RGS6: variants seen among roughly 807,000 people sequenced by gnomAD.
RGS6 encodes the protein regulator of G-protein signaling 6.
Under a neutral mutation model 78.5 loss-of-function variants are expected in RGS6, and 30 were observed. The observed-to-expected ratio is 0.38, with a 90% CI of 0.29 to 0.52. The LOEUF (loss-of-function observed/expected upper bound fraction) is 0.52. Among genes scored for constraint, RGS6 ranks in the 20% least tolerant of loss-of-function variants. The pLI, the probability that RGS6 is intolerant of heterozygous loss-of-function variation, is 0.85. For missense variants in RGS6, 495 were observed against 609.7 expected, an observed-to-expected ratio of 0.81 and a Z score of 1.98; for synonymous variants, 206 against 206.0, an observed-to-expected ratio of 1.00 and a Z score of 0.00.
the RGS6 span, among the ~76,000 whole-genome samples, chr14:72,624,828 A>G: frequency 6.6e-6 from 1 of 152,222 alleles, no homozygotes; most frequent in Non-Finnish European, 1.5e-5. Flanking sequence ...ATCTTTTCTC[A>G]TGATAAGATC....
chr14:71,974,010 A>C (rs1216668586), intron 2 of RGS6, among the ~76,000 whole-genome samples: 1 of 152,172 alleles, frequency 6.6e-6, no homozygotes, highest in Non-Finnish European at 1.5e-5. Context: ...TAATTTGAAA[A>C]GCCTTTGGTG....
intron 2 of RGS6, among the ~76,000 whole-genome samples, chr14:72,100,462 T>A (rs1393602723): frequency 2.0e-5 from 3 of 152,090 alleles, no homozygotes; most frequent in African/African-American, 7.2e-5. Context: ...ACGACTGCAC[T>A]CCAGCCTGGG....
chr14:72,437,881 G>T (rs1250962471), intron 3 of RGS6, among the ~76,000 whole-genome samples: 1 of 152,180 alleles, frequency 6.6e-6, no homozygotes, highest in Non-Finnish European at 1.5e-5. Context: ...ATACTTCAGG[G>T]AGTCTGCTGT....
At chr14:72,349,357 C>G (rs1372282190) in intron 2 of RGS6, among the ~76,000 whole-genome samples, 1 of 152,032 alleles carries the variant, frequency 6.6e-6, no homozygotes, top group African/African-American at 2.4e-5. Flanking sequence ...AAGGGAGTAA[C>G]TACAGCCATG....
chr14:72,550,283 ACT>A (rs1302331517), intron 17 of RGS6, among the ~76,000 whole-genome samples: 3 of 151,732 alleles, frequency 2.0e-5, no homozygotes, highest in African/African-American at 7.3e-5. Flanking sequence ...CTCCATTAAA[ACT>A]CTATCAGGTG....
intron 2 of RGS6, among the ~76,000 whole-genome samples, chr14:72,199,819 T>C (rs1335867320): frequency 6.6e-6 from 1 of 152,216 alleles, no homozygotes; most frequent in African/African-American, 2.4e-5. Flanking sequence ...CAGCAAACTA[T>C]GGCCCATGGA....
At chr14:72,629,597 C>T in the RGS6 span, 4 of 1,522,858 alleles carry the variant, frequency 2.6e-6, no homozygotes, top group South Asian at 1.2e-5. Context: ...GGATTTCTCC[C>T]TCCCACAGGG....
intron 2 of RGS6, among the ~76,000 whole-genome samples, chr14:72,008,532 C>T (rs1040320202): frequency 9.9e-5 from 15 of 152,134 alleles, no homozygotes; most frequent in African/African-American, 3.4e-4. Flanking sequence ...CTAGGGTTGG[C>T]CTGTGTGACC....
At chr14:72,443,603 A>G (rs1484999953) in intron 3 of RGS6, among the ~76,000 whole-genome samples, 1 of 152,220 alleles carries the variant, frequency 6.6e-6, no homozygotes, top group Non-Finnish European at 1.5e-5. Flanking sequence ...ATTATTTTCA[A>G]TATAAAATGT....
At chr14:72,385,118 A>G (rs2087531952) in intron 3 of RGS6, among the ~76,000 whole-genome samples, 2 of 152,140 alleles carry the variant, frequency 1.3e-5, no homozygotes, top group South Asian at 4.1e-4. Context: ...TCTGCTTGAG[A>G]ACACACCTTG....
chr14:72,305,073 T>C (rs952868880), intron 2 of RGS6, among the ~76,000 whole-genome samples: 1 of 152,120 alleles, frequency 6.6e-6, no homozygotes, highest in Non-Finnish European at 1.5e-5. Flanking sequence ...AGTTTACAGT[T>C]TTACAAGAAG....
At chr14:71,994,470 A>C (rs944399232) in intron 2 of RGS6, among the ~76,000 whole-genome samples, 5 of 151,952 alleles carry the variant, frequency 3.3e-5, no homozygotes, top group African/African-American at 9.7e-5. Context: ...GTTGTTAGGG[A>C]TTCTGACTCT....
At chr14:72,125,337 G>A (rs1016707418) in intron 2 of RGS6, among the ~76,000 whole-genome samples, 2 of 152,182 alleles carry the variant, frequency 1.3e-5, no homozygotes, top group African/African-American at 4.8e-5. Flanking sequence ...TGGGTTTTCA[G>A]GATTGCAAGA....
chr14:72,373,443 C>T (rs1468933396), intron 3 of RGS6, among the ~76,000 whole-genome samples: 2 of 152,042 alleles, frequency 1.3e-5, no homozygotes, highest in African/African-American at 4.8e-5. Context: ...TTTTAGAGGC[C>T]TTAAAATAGA....
chr14:72,212,308 T>C (rs973751544), intron 2 of RGS6, among the ~76,000 whole-genome samples: 2 of 152,162 alleles, frequency 1.3e-5, no homozygotes, highest in African/African-American at 4.8e-5. Context: ...TTGTCTAATA[T>C]TGATATTGAT....
At chr14:72,425,419 G>A (rs1466908579) in intron 3 of RGS6, among the ~76,000 whole-genome samples, 1 of 152,090 alleles carries the variant, frequency 6.6e-6, no homozygotes, top group African/African-American at 2.4e-5. Context: ...GATTATAGGC[G>A]TGAGCCACCG....
chr14:71,897,154 G>A, the RGS6 span, among the ~76,000 whole-genome samples: 1 of 152,236 alleles, frequency 6.6e-6, no homozygotes, highest in Admixed American at 6.5e-5. Context: ...ATAGTGCTAG[G>A]CACATAGTAG....
intron 3 of RGS6, among the ~76,000 whole-genome samples, chr14:72,392,355 C>G (rs939776261): frequency 6.6e-5 from 10 of 152,042 alleles, no homozygotes; most frequent in Non-Finnish European, 1.2e-4. Flanking sequence ...GTCGGGAGAG[C>G]AGGGATGGGC....
chr14:72,029,626 T>C (rs1203416685), intron 2 of RGS6, among the ~76,000 whole-genome samples: 4 of 152,214 alleles, frequency 2.6e-5, no homozygotes, highest in African/African-American at 9.6e-5. Flanking sequence ...TGTGTTCTGA[T>C]TCCTGCTTAT....
Sources: allele counts gnomAD v4.1 joint callset (sites outside exome capture counted in the v4.1 genomes callset), GRCh38; gene constraint gnomAD v4.1.1; transcripts MANE v1.5; gene names NCBI Gene and HGNC (gene_info 2026-07-23, HGNC 2026-07-21).